RPS6KC1: variants seen among roughly 807,000 people sequenced by gnomAD.
The protein encoded by RPS6KC1 is inactive ribosomal protein S6 kinase delta-1.
Under a neutral mutation model 103.8 loss-of-function variants are expected in RPS6KC1, and 54 were observed. That is an observed-to-expected ratio of 0.52 (90% CI 0.42 to 0.65). The LOEUF (loss-of-function observed/expected upper bound fraction) is 0.65, where lower values mean the gene tolerates loss of function less well. Among genes scored for constraint, RPS6KC1 ranks in the 30% least tolerant of loss-of-function variants. The pLI, the probability that RPS6KC1 is intolerant of heterozygous loss-of-function variation, is 0.00. For synonymous variants in RPS6KC1, 439 were observed against 438.7 expected, an observed-to-expected ratio of 1.00 and a Z score of -0.01; for missense variants, 1,151 against 1,253.8, an observed-to-expected ratio of 0.92 and a Z score of 1.24.
the RPS6KC1 span, chr1:213,546,220 C>A: frequency 6.6e-6 from 1 of 152,160 alleles, no homozygotes; most frequent in Non-Finnish European, 1.5e-5. Context: ...ATGCTGGGAA[C>A]TAAGTGTATG....
At chr1:213,261,010 C>T (rs2149099441) in intron 12 of RPS6KC1, among the ~76,000 whole-genome samples, 1 of 152,286 alleles carries the variant, frequency 6.6e-6, no homozygotes, top group East Asian at 1.9e-4. Context: ...CATGCTCCTC[C>T]TTTGGTTGAA....
the RPS6KC1 span, among the ~76,000 whole-genome samples, chr1:213,726,432 G>A: frequency 6.6e-6 from 1 of 152,136 alleles, no homozygotes; most frequent in Non-Finnish European, 1.5e-5. Flanking sequence ...TAAAAAAGAG[G>A]TATCTCCCTT....
At chr1:213,101,348 A>C (rs770108942) in intron 3 of RPS6KC1, among the ~76,000 whole-genome samples, 2 of 152,194 alleles carry the variant, frequency 1.3e-5, no homozygotes, top group Non-Finnish European at 2.9e-5. Flanking sequence ...TGTTCTGATA[A>C]TAGGATTCAA....
the RPS6KC1 span, among the ~76,000 whole-genome samples, chr1:213,370,373 T>C: frequency 3.9e-5 from 6 of 152,096 alleles, no homozygotes; most frequent in Non-Finnish European, 1.5e-5. Context: ...GTGGAATGTC[T>C]GGCACATAAT....
chr1:213,076,991 C>T (rs918238511), intron 2 of RPS6KC1, among the ~76,000 whole-genome samples: 14 of 151,856 alleles, frequency 9.2e-5, no homozygotes, highest in Non-Finnish European at 1.5e-4. Flanking sequence ...TGCCTCAGCC[C>T]CCCGAGTAGC....
chr1:213,143,441 T>C (rs2087325058), intron 6 of RPS6KC1, among the ~76,000 whole-genome samples: 1 of 151,994 alleles, frequency 6.6e-6, no homozygotes, highest in South Asian at 2.1e-4. Flanking sequence ...CTGTTCTGTG[T>C]TTTCTATTTT....
intron 1 of RPS6KC1, among the ~76,000 whole-genome samples, chr1:213,058,007 A>T (rs1372570941): frequency 6.8e-6 from 1 of 147,672 alleles, no homozygotes; most frequent in Non-Finnish European, 1.5e-5. Context: ...GTCTCAAGCA[A>T]TCTGCCTGTC....
intron 3 of RPS6KC1, among the ~76,000 whole-genome samples, chr1:213,096,693 AC>A (rs763455032): frequency 7.2e-5 from 11 of 151,888 alleles, no homozygotes; most frequent in Non-Finnish European, 1.6e-4. Flanking sequence ...TGATAGTTTT[AC>A]CTTCCCCCAA....
At chr1:213,466,018 C>A in the RPS6KC1 span, among the ~76,000 whole-genome samples, 3 of 152,056 alleles carry the variant, frequency 2.0e-5, no homozygotes, top group Non-Finnish European at 4.4e-5. Flanking sequence ...CTTTGGGGGG[C>A]AGAATGCACA....
chr1:213,201,277 T>TA (rs1165377501), intron 8 of RPS6KC1, among the ~76,000 whole-genome samples: 4 of 152,120 alleles, frequency 2.6e-5, no homozygotes, highest in Non-Finnish European at 5.9e-5. Flanking sequence ...TACTCACTGG[T>TA]AAAAAAGAAA....
chr1:213,696,722 G>T, the RPS6KC1 span, among the ~76,000 whole-genome samples: 2,489 of 152,142 alleles, frequency 0.016, 66 homozygotes, highest in African/African-American at 0.057. Flanking sequence ...ATCAGTTGAA[G>T]GATAGAGAGG....
At chr1:213,543,193 C>G in the RPS6KC1 span, among the ~76,000 whole-genome samples, 1 of 152,124 alleles carries the variant, frequency 6.6e-6, no homozygotes, top group Non-Finnish European at 1.5e-5. Context: ...TGTTGAAAAG[C>G]TGGGTTGGGC....
the RPS6KC1 span, among the ~76,000 whole-genome samples, chr1:213,796,305 G>A: frequency 1.3e-5 from 2 of 152,130 alleles, no homozygotes; most frequent in Non-Finnish European, 2.9e-5. Context: ...ACAGTCAATG[G>A]GAGAACAATA....
At chr1:213,372,482 C>T in the RPS6KC1 span, among the ~76,000 whole-genome samples, 2 of 152,120 alleles carry the variant, frequency 1.3e-5, no homozygotes, top group African/African-American at 4.8e-5. Context: ...CGAGGGGGAG[C>T]AGGCTGGGTG....
chr1:213,341,898 T>C, the RPS6KC1 span, among the ~76,000 whole-genome samples: 1 of 152,186 alleles, frequency 6.6e-6, no homozygotes, highest in African/African-American at 2.4e-5. Context: ...ATCTACTTCA[T>C]GGGGCTGTGG....
At chr1:213,392,695 G>C in the RPS6KC1 span, among the ~76,000 whole-genome samples, 2 of 152,224 alleles carry the variant, frequency 1.3e-5, no homozygotes, top group Admixed American at 6.5e-5. Flanking sequence ...GTGATTAAAT[G>C]CTTGACTATG....
chr1:213,092,219 A>G (rs1167547546), intron 3 of RPS6KC1, among the ~76,000 whole-genome samples: 2 of 152,338 alleles, frequency 1.3e-5, no homozygotes, highest in Non-Finnish European at 2.9e-5. Context: ...TGGATGGCTC[A>G]TAGAGAACAC....
At chr1:213,583,081 C>T in the RPS6KC1 span, among the ~76,000 whole-genome samples, 9 of 152,184 alleles carry the variant, frequency 5.9e-5, no homozygotes, top group African/African-American at 2.2e-4. Context: ...CTTGCCGTTG[C>T]GTGCATCACT....
chr1:213,478,098 A>G, the RPS6KC1 span, among the ~76,000 whole-genome samples: 1 of 152,156 alleles, frequency 6.6e-6, no homozygotes, highest in Non-Finnish European at 1.5e-5. Flanking sequence ...GAATGTCTGA[A>G]TAGTTAGAAT....
Sources: allele counts gnomAD v4.1 joint callset (sites outside exome capture counted in the v4.1 genomes callset), GRCh38; gene constraint gnomAD v4.1.1; transcripts MANE v1.5; gene names NCBI Gene and HGNC (gene_info 2026-07-23, HGNC 2026-07-21).